Variants in TENM4 observed in about 807,000 individuals in gnomAD.
The protein encoded by TENM4 is teneurin-4.
In TENM4, 82 loss-of-function variants were observed where a neutral mutation model predicts 243.3. That is an observed-to-expected ratio of 0.34 (90% CI 0.28 to 0.40). The LOEUF is 0.40. TENM4 is among the 10% of genes least tolerant of loss of function. The pLI, the probability that TENM4 is intolerant of heterozygous loss-of-function variation, is 1.00. For missense variants in TENM4, 3,138 were observed against 3,673.3 expected (o/e 0.85, Z 3.77); for synonymous variants, 1,412 against 1,456.3 (o/e 0.97, Z 0.69).
chr11:78,996,184 C>T (rs1858168255), intron 6 of TENM4, among the ~76,000 whole-genome samples: 1 of 152,170 alleles, frequency 6.6e-6, no homozygotes, highest in South Asian at 2.1e-4. Flanking sequence ...TCCTGGCTGG[C>T]CCTGTGACTA....
At chr11:79,300,154 A>T (rs1856527514) in intron 1 of TENM4, among the ~76,000 whole-genome samples, 1 of 152,192 alleles carries the variant, frequency 6.6e-6, no homozygotes, top group Admixed American at 6.5e-5. Context: ...CTTTTTTTAA[A>T]AAAAGTATTT....
chr11:78,666,052 AT>A (rs34566831), intron 32 of TENM4, among the ~76,000 whole-genome samples: 6 of 150,896 alleles, frequency 4.0e-5, no homozygotes, highest in African/African-American at 7.3e-5. Context: ...GAAAAAAAGA[AT>A]TTTTTTTTTG....
chr11:79,393,392 T>C (rs1389388506), intron 1 of TENM4, among the ~76,000 whole-genome samples: 1 of 152,136 alleles, frequency 6.6e-6, no homozygotes, highest in Non-Finnish European at 1.5e-5. Flanking sequence ...CACACTAAGT[T>C]AATCCTAGCA....
chr11:78,869,696 C>T (rs1353739787), intron 9 of TENM4, among the ~76,000 whole-genome samples: 1 of 152,138 alleles, frequency 6.6e-6, no homozygotes, highest in African/African-American at 2.4e-5. Context: ...ATAGGAAGTA[C>T]TAAGGCCAAA....
chr11:78,791,879 A>T (rs1251693619), intron 15 of TENM4, among the ~76,000 whole-genome samples: 1 of 152,216 alleles, frequency 6.6e-6, no homozygotes, highest in African/African-American at 2.4e-5. Context: ...CATGACCAAC[A>T]TCAGAGCTTT....
At chr11:79,412,638 G>A (rs1858724532) in intron 1 of TENM4, among the ~76,000 whole-genome samples, 1 of 152,180 alleles carries the variant, frequency 6.6e-6, no homozygotes, top group Non-Finnish European at 1.5e-5. Context: ...TATTTATAAA[G>A]TGATTAAAAC....
At chr11:79,325,620 C>A (rs568421) in intron 1 of TENM4, among the ~76,000 whole-genome samples, 51,070 of 152,090 alleles carry the variant, frequency 0.34, 8,906 homozygotes, top group South Asian at 0.5. Context: ...CTACCCAGTA[C>A]TCGCTCAGGA....
chr11:78,846,048 G>T (rs2136185756), intron 12 of TENM4, among the ~76,000 whole-genome samples: 1 of 152,116 alleles, frequency 6.6e-6, no homozygotes, highest in East Asian at 1.9e-4. Context: ...ACTACGAGAG[G>T]GTATAAAGAC....
At chr11:79,347,762 C>CA (rs1284387029) in intron 1 of TENM4, among the ~76,000 whole-genome samples, 5 of 94,692 alleles carry the variant, frequency 5.3e-5, no homozygotes, top group South Asian at 7.6e-4. Context: ...CTATCCTCTC[C>CA]TTTTTTTTTT....
At chr11:79,231,941 G>T (rs558720815) in intron 2 of TENM4, among the ~76,000 whole-genome samples, 20 of 152,266 alleles carry the variant, frequency 1.3e-4, no homozygotes, top group Middle Eastern at 3.4e-3. Flanking sequence ...TTAGCCAGGC[G>T]TGGTAGCACA....
At chr11:78,759,503 G>GT (rs953315160) in intron 18 of TENM4, among the ~76,000 whole-genome samples, 2 of 152,144 alleles carry the variant, frequency 1.3e-5, no homozygotes, top group African/African-American at 4.8e-5. Context: ...TCCTGGTCTT[G>GT]TTTACCACCA....
intron 9 of TENM4, among the ~76,000 whole-genome samples, chr11:78,879,639 T>C (rs111533151): frequency 3.4e-5 from 2 of 58,406 alleles, no homozygotes; most frequent in African/African-American, 7.2e-5. Flanking sequence ...AGGTGGGGAG[T>C]GCCTCTGCCC....
intron 4 of TENM4, among the ~76,000 whole-genome samples, chr11:79,072,792 A>G (rs940488693): frequency 3.9e-5 from 6 of 152,204 alleles, no homozygotes; most frequent in African/African-American, 1.2e-4. Context: ...CCTGAGTGAC[A>G]ATAATGATGA....
chr11:78,738,554 G>A lies in TENM4; in HGVS notation c.2773C>T (p.Arg925Cys), dbSNP rs374688338. ...PFDGGHACVI[R>C]GQVMTSDGTP... Reference sequence around the variant, plus strand: ...CCATCTGATGTCATCACTTGGCCACGAATAACACAAGCATGCCTGTGGGAA... The same window carrying A: ...CCATCTGATGTCATCACTTGGCCACAAATAACACAAGCATGCCTGTGGGAA... The change falls in exon 20 of 34, where the codon CGT (arginine) becomes TGT (cysteine). Residue 925 changes from arginine to cysteine, a missense_variant. By Grantham distance (180) the Arg-to-Cys change is radical (BLOSUM62 -3). Coordinates refer to ENST00000278550, the MANE Select transcript of TENM4 (RefSeq NM_001098816.3). The A allele has an allele frequency of 4.8e-5, 77 of 1,613,352 alleles. No individual in the cohort carries two copies. The highest frequency in any genetic ancestry group is 1.6e-4 in the Middle Eastern group (1 of 6,078).
chr11:79,384,422 A>G (rs766417873), intron 1 of TENM4, among the ~76,000 whole-genome samples: 4 of 152,092 alleles, frequency 2.6e-5, no homozygotes, highest in Non-Finnish European at 5.9e-5. Flanking sequence ...AGGGACACCC[A>G]CTTCCCCATG....
At chr11:79,253,895 G>T (rs1855655810) in intron 2 of TENM4, among the ~76,000 whole-genome samples, 1 of 152,104 alleles carries the variant, frequency 6.6e-6, no homozygotes, top group South Asian at 2.1e-4. Context: ...ATTTACAGAA[G>T]AACAAATACG....
At chr11:79,247,967 A>G (rs1855548870) in intron 2 of TENM4, among the ~76,000 whole-genome samples, 1 of 152,192 alleles carries the variant, frequency 6.6e-6, no homozygotes, top group African/African-American at 2.4e-5. Context: ...AGATCTTTGT[A>G]GGAGGGCATG....
chr11:78,990,452 C>T (rs1403838146), intron 6 of TENM4, among the ~76,000 whole-genome samples: 1 of 152,134 alleles, frequency 6.6e-6, no homozygotes, highest in Admixed American at 6.5e-5. Flanking sequence ...CTGTTTGAAA[C>T]AGGGAAGACA....
At position 79,101,214 on chromosome 11, in the gene TENM4, T is replaced by G. The variant is rs1409234538; in HGVS notation, c.-65-31205A>C. 2.0e-5 allele frequency among the ~76,000 whole-genome samples: 3 copies of G among 152,338 alleles called. No individual in the cohort carries two copies. The East Asian group carries it at 5.8e-4, about 29-fold the overall frequency. ...CTGAACATATTTGTTATAAACACTC[T>G]CTGTAGAATATAAAAAATTTTCATA... On this transcript the variant is annotated intron_variant, in intron 4 of 33. Coordinates refer to ENST00000278550, the MANE Select transcript of TENM4 (RefSeq NM_001098816.3).
Sources: allele counts gnomAD v4.1 joint callset (sites outside exome capture counted in the v4.1 genomes callset), GRCh38; gene constraint gnomAD v4.1.1; transcripts MANE v1.5; gene names NCBI Gene and HGNC (gene_info 2026-07-23, HGNC 2026-07-21).